ROBO1: variants seen among roughly 807,000 people sequenced by gnomAD.
The protein encoded by ROBO1 is roundabout guidance receptor 1, also known as roundabout homolog 1.
A neutral mutation model predicts 195.9 loss-of-function variants in ROBO1; 149 were observed. The observed-to-expected ratio is 0.76, with a 90% confidence interval of 0.67 to 0.87. ROBO1 has a LOEUF of 0.87. ROBO1 is among the 40% of genes least tolerant of loss of function. The pLI, the probability that ROBO1 is intolerant of heterozygous loss-of-function variation, is 0.00. For synonymous variants in ROBO1, 816 were observed against 733.2 expected (o/e 1.11, Z -1.82); for missense variants, 1,933 against 2,068.3 (o/e 0.93, Z 1.27).
intron 2 of ROBO1, among the ~76,000 whole-genome samples, chr3:79,395,340 A>AAGAAAGAAAGAAAGAAAG (rs1553733528): frequency 4.2e-5 from 5 of 119,060 alleles, no homozygotes; most frequent in African/African-American, 1.5e-4. Flanking sequence ...AAAAAAAAAA[A>AAGAAAGAAAGAAAGAAAG]AAAGAAAGAA....
chr3:78,698,309 G>A (rs1347975088), intron 8 of ROBO1, among the ~76,000 whole-genome samples: 2 of 151,982 alleles, frequency 1.3e-5, no homozygotes, highest in African/African-American at 2.4e-5. Context: ...TGACAATATC[G>A]CTAACAATTA....
At chr3:78,875,291 T>C (rs1428104730) in intron 4 of ROBO1, among the ~76,000 whole-genome samples, 1 of 151,956 alleles carries the variant, frequency 6.6e-6, no homozygotes, top group Non-Finnish European at 1.5e-5. Context: ...ATGACACCCA[T>C]TAGGTTTTCT....
chr3:79,080,680 T>C (rs1415583036), intron 3 of ROBO1, among the ~76,000 whole-genome samples: 1 of 152,064 alleles, frequency 6.6e-6, no homozygotes, highest in Non-Finnish European at 1.5e-5. Flanking sequence ...GTAAGTAATA[T>C]GTAAATTTTA....
At chr3:78,936,231 T>G (rs984254781) in intron 4 of ROBO1, among the ~76,000 whole-genome samples, 3 of 151,990 alleles carry the variant, frequency 2.0e-5, no homozygotes, top group Non-Finnish European at 4.4e-5. Flanking sequence ...TTTGAGAGGT[T>G]GACAATTGTT....
At chr3:78,919,973 T>G (rs993489096) in intron 4 of ROBO1, among the ~76,000 whole-genome samples, 12 of 152,208 alleles carry the variant, frequency 7.9e-5, no homozygotes, top group African/African-American at 2.9e-4. Flanking sequence ...GAAAATGTAA[T>G]AGTTTCATGT....
intron 4 of ROBO1, among the ~76,000 whole-genome samples, chr3:78,854,365 TATAA>T (rs1194106815): frequency 6.7e-6 from 1 of 148,690 alleles, no homozygotes; most frequent in Non-Finnish European, 1.5e-5. Flanking sequence ...TATATAAAAA[TATAA>T]ATACATACAT....
chr3:79,219,326 T>G (rs1316199577), intron 2 of ROBO1, among the ~76,000 whole-genome samples: 5 of 152,038 alleles, frequency 3.3e-5, no homozygotes, highest in African/African-American at 4.8e-5. Flanking sequence ...TCAAGTGATA[T>G]CTAACATAAT....
At chr3:79,168,352 T>A (rs1217782375) in intron 2 of ROBO1, among the ~76,000 whole-genome samples, 1 of 152,138 alleles carries the variant, frequency 6.6e-6, no homozygotes, top group Non-Finnish European at 1.5e-5. Context: ...CAGAAATCCT[T>A]AAGAGAGTTT....
intron 1 of ROBO1, among the ~76,000 whole-genome samples, chr3:79,665,709 A>G (rs546160874): frequency 6.6e-6 from 1 of 152,086 alleles, no homozygotes; most frequent in East Asian, 1.9e-4. Flanking sequence ...CGCTTGCAAA[A>G]TGAGAAAAGT....
At chr3:78,878,081 T>G (rs2035958698) in intron 4 of ROBO1, among the ~76,000 whole-genome samples, 1 of 152,206 alleles carries the variant, frequency 6.6e-6, no homozygotes, top group East Asian at 1.9e-4. Flanking sequence ...GGGCCATCGT[T>G]CTCAATTAAA....
At chr3:79,482,590 G>A (rs757043635) in intron 2 of ROBO1, among the ~76,000 whole-genome samples, 28 of 152,092 alleles carry the variant, frequency 1.8e-4, no homozygotes, top group Admixed American at 4.6e-4. Flanking sequence ...AGATTACCCA[G>A]TCTCTGGTAT....
At chr3:78,756,919 T>C (rs1342873930) in intron 4 of ROBO1, among the ~76,000 whole-genome samples, 7 of 152,224 alleles carry the variant, frequency 4.6e-5, no homozygotes, top group Admixed American at 4.6e-4. Context: ...AGTTTCACTC[T>C]TGTCACCCAG....
rs1207694955 is a variant in ROBO1, at chr3:78,724,108, G to C, written c.658-6225C>G. Among the ~76,000 whole-genome samples the C allele has an allele frequency of 2.0e-5, 3 of 152,072 alleles. No homozygotes were observed. The East Asian group carries it at 5.8e-4, about 29-fold the overall frequency. ...GATAGAGATAGAAACTGGTAAAAGTGAAAGAACAAACCACAAAGTAGGGCA... is the reference window on the plus strand; with the variant it reads ...GATAGAGATAGAAACTGGTAAAAGTCAAAGAACAAACCACAAAGTAGGGCA... On this transcript the variant is annotated intron_variant, in intron 5 of 30. Coordinates refer to ENST00000464233, the MANE Select transcript of ROBO1 (RefSeq NM_002941.4).
chr3:79,047,767 G>A (rs1393903012), intron 3 of ROBO1, among the ~76,000 whole-genome samples: 2 of 151,922 alleles, frequency 1.3e-5, no homozygotes, highest in East Asian at 1.9e-4. Context: ...CCGAAACCTT[G>A]AGCACATGGT....
At chr3:79,599,728 G>A (rs1273992909) in intron 1 of ROBO1, among the ~76,000 whole-genome samples, 7 of 151,876 alleles carry the variant, frequency 4.6e-5, no homozygotes, top group Non-Finnish European at 7.4e-5. Flanking sequence ...ACAGAAAAAC[G>A]GGGATATTAT....
At chr3:78,728,891 T>A (rs2082224110) in intron 5 of ROBO1, among the ~76,000 whole-genome samples, 1 of 152,262 alleles carries the variant, frequency 6.6e-6, no homozygotes, top group Non-Finnish European at 1.5e-5. Flanking sequence ...TCCCGTTTCA[T>A]TTGTTTCCTG....
chr3:78,751,069 C>G (rs567487835), intron 4 of ROBO1, among the ~76,000 whole-genome samples: 14 of 152,240 alleles, frequency 9.2e-5, no homozygotes, highest in Admixed American at 2.6e-4. Context: ...TTGTGCATCA[C>G]TGCGCTACAG....
At chr3:79,627,906 T>G (rs923432395) in intron 1 of ROBO1, among the ~76,000 whole-genome samples, 1 of 152,138 alleles carries the variant, frequency 6.6e-6, no homozygotes, top group Non-Finnish European at 1.5e-5. Context: ...TTCAACATCA[T>G]TGATCATCAG....
chr3:78,852,227 T>G (rs2106875988), intron 4 of ROBO1, among the ~76,000 whole-genome samples: 1 of 152,244 alleles, frequency 6.6e-6, no homozygotes, highest in East Asian at 1.9e-4. Flanking sequence ...CAAAGCAATT[T>G]AATACATGTT....
Sources: allele counts gnomAD v4.1 joint callset (sites outside exome capture counted in the v4.1 genomes callset), GRCh38; gene constraint gnomAD v4.1.1; transcripts MANE v1.5; gene names NCBI Gene and HGNC (gene_info 2026-07-23, HGNC 2026-07-21).